The following IGF2R variants were observed in gnomAD, a reference collection of about 807,000 sequenced individuals.
The protein encoded by IGF2R is insulin like growth factor 2 receptor, also known as cation-independent mannose-6-phosphate receptor.
IGF2R carries 91 observed loss-of-function variants against 270.6 expected under a neutral mutation model. The observed-to-expected ratio is 0.34, with a 90% CI of 0.28 to 0.40. IGF2R has a LOEUF of 0.40. IGF2R is among the 10% of genes least tolerant of loss of function. The pLI, the probability that IGF2R is intolerant of heterozygous loss-of-function variation, is 1.00. For synonymous variants in IGF2R, 1,316 were observed against 1,258.9 expected (o/e 1.05, Z -0.96); for missense variants, 2,805 against 3,188.3 (o/e 0.88, Z 2.90).
intron 4 of IGF2R, among the ~76,000 whole-genome samples, chr6:160,019,757 A>G (rs567099456): frequency 1.2e-4 from 18 of 152,346 alleles, no homozygotes; most frequent in Admixed American, 5.2e-4. Context: ...ATGAAATTCA[A>G]CATCCCTTAA....
At chr6:160,090,285 G>A in intron 44 of IGF2R, 182 bp downstream of exon 44, 1 of 423,258 alleles carries the variant, frequency 2.4e-6, no homozygotes, top group Non-Finnish European at 4.1e-6. Flanking sequence ...TCAGAACTAA[G>A]CATTTCACTG....
Position 160,096,452 on chromosome 6 carries a change from T to C in IGF2R, c.6669T>C (p.Asp2223=). 6.2e-7 allele frequency: 1 copy of C among 1,611,062 alleles called. No homozygotes were observed. Among genetic ancestry groups the C allele is most frequent in the Non-Finnish European group, 8.5e-7 (1 of 1,178,298 alleles). ...TKYYLQDGDL[D]VVFASSSKCG... The stretch of plus-strand genomic sequence containing the variant: ...CCCGTTTGACAGACGGCGATCTCGA[T>C]GTCGTGTTTGCCTCTTCCTCTAAGT... Residue 2223 remains aspartate (D), a synonymous_variant, in exon 45 of 48, where the codon GAT becomes GAC. Transcript: ENST00000356956.
chr6:160,104,964 G>A lies in IGF2R; in HGVS notation c.7356G>A (p.Gly2452=). 1.2e-6 allele frequency: 2 copies of A among 1,614,094 alleles called. No homozygotes were observed. Among genetic ancestry groups the A allele is most frequent in the Non-Finnish European group, 1.7e-6 (2 of 1,180,036 alleles). The change falls in exon 48 of 48, where the codon GGG becomes GGA. Residue 2452 remains glycine, a synonymous_variant. Transcript: ENST00000356956. ...AGGAGCGTGAGGACGATAGGGTGGGGCTGGTCAGGGGTGAGAAGGCGAGGA... is the reference window on the plus strand; with the variant it reads ...AGGAGCGTGAGGACGATAGGGTGGGACTGGTCAGGGGTGAGAAGGCGAGGA... ...ALQEREDDRV[G]LVRGEKARKG... is the part of the protein sequence containing the mutation.
At chr6:160,070,447 G>C (rs570728185) in intron 31 of IGF2R, among the ~76,000 whole-genome samples, 1 of 152,238 alleles carries the variant, frequency 6.6e-6, no homozygotes, top group Non-Finnish European at 1.5e-5. Context: ...CACATAACTT[G>C]GTTAATTACT....
intron 2 of IGF2R, among the ~76,000 whole-genome samples, chr6:159,996,182 C>T (rs932606409): frequency 3.3e-5 from 5 of 152,076 alleles, no homozygotes; most frequent in Admixed American, 6.5e-5. Context: ...GGATCCTCAC[C>T]GTCTCCCGCG....
intron 45 of IGF2R, among the ~76,000 whole-genome samples, chr6:160,099,202 G>T (rs1248654423): frequency 6.6e-6 from 1 of 152,164 alleles, no homozygotes; most frequent in Non-Finnish European, 1.5e-5. Flanking sequence ...AGGCTAATTT[G>T]TTGTATTAGA....
chr6:160,009,764 A>G (rs778490230), intron 3 of IGF2R, among the ~76,000 whole-genome samples: 3 of 152,242 alleles, frequency 2.0e-5, no homozygotes, highest in African/African-American at 4.8e-5. Context: ...TACAAATTCT[A>G]TGAATGTTCT....
chr6:160,028,325 A>C (rs1035800445), intron 6 of IGF2R, among the ~76,000 whole-genome samples: 1 of 152,196 alleles, frequency 6.6e-6, no homozygotes, highest in African/African-American at 2.4e-5. Context: ...GCCCACTCAC[A>C]TGATCTCCTT....
intron 19 of IGF2R, among the ~76,000 whole-genome samples, chr6:160,054,389 C>T (rs906632605): frequency 2.0e-5 from 3 of 152,088 alleles, no homozygotes; most frequent in Non-Finnish European, 4.4e-5. Context: ...ACATGAAGGC[C>T]CTCTGTGTGC....
intron 4 of IGF2R, among the ~76,000 whole-genome samples, chr6:160,012,102 T>G (rs1376125748): frequency 6.6e-6 from 1 of 151,648 alleles, no homozygotes; most frequent in Non-Finnish European, 1.5e-5. Flanking sequence ...GAAGTGGAAG[T>G]GGTAAAATAC....
At chr6:160,055,223 G>A (rs1051615969) in intron 19 of IGF2R, among the ~76,000 whole-genome samples, 41 of 152,296 alleles carry the variant, frequency 2.7e-4, no homozygotes, top group African/African-American at 9.9e-4. Flanking sequence ...CTGCTGGTCT[G>A]TTTTTGGGCA....
chr6:160,036,403 C>T (rs1316820114), intron 10 of IGF2R, among the ~76,000 whole-genome samples: 4 of 152,124 alleles, frequency 2.6e-5, no homozygotes, highest in Non-Finnish European at 5.9e-5. Context: ...TGTGCCCAGC[C>T]CCTCTGATGC....
At chr6:160,012,433 G>A (rs1295101627) in intron 4 of IGF2R, among the ~76,000 whole-genome samples, 1 of 152,134 alleles carries the variant, frequency 6.6e-6, no homozygotes, top group Admixed American at 6.5e-5. Context: ...GGCAGCATCT[G>A]CATCTGGAGA....
At chr6:160,051,949 G>C (rs561373447) in intron 19 of IGF2R, among the ~76,000 whole-genome samples, 13 of 150,848 alleles carry the variant, frequency 8.6e-5, no homozygotes, top group African/African-American at 2.9e-4. Context: ...GCGAGCCCCT[G>C]TCTCAAAAAA....
chr6:160,080,678 C>T (rs1168052445), intron 39 of IGF2R, among the ~76,000 whole-genome samples: 2 of 152,080 alleles, frequency 1.3e-5, no homozygotes, highest in Non-Finnish European at 2.9e-5. Flanking sequence ...GACTTTCCGC[C>T]ATGTGGCAGC....
intron 10 of IGF2R, among the ~76,000 whole-genome samples, chr6:160,036,771 G>GA (rs79691670): frequency 6.0e-4 from 89 of 147,954 alleles, no homozygotes; most frequent in African/African-American, 2.0e-3. Flanking sequence ...AAGAAAAATA[G>GA]AAAAAAAAAA....
At chr6:160,037,093 T>G (rs980836129) in intron 10 of IGF2R, among the ~76,000 whole-genome samples, 1 of 152,230 alleles carries the variant, frequency 6.6e-6, no homozygotes, top group East Asian at 1.9e-4. Context: ...ATGGCTCATA[T>G]CACCCCACCC....
intron 45 of IGF2R, among the ~76,000 whole-genome samples, chr6:160,100,712 T>C (rs1363864703): frequency 8.1e-6 from 1 of 123,736 alleles, no homozygotes; most frequent in Non-Finnish European, 1.6e-5. Context: ...AGCAGGCAAG[T>C]CAGCAATTTC....
At chr6:160,089,073 G>A (rs1779159082) in intron 42 of IGF2R, 34 bp from the exon 43 acceptor site, 1 of 1,599,216 alleles carries the variant, frequency 6.3e-7, no homozygotes, top group South Asian at 1.1e-5. Flanking sequence ...TCTGGCTGGG[G>A]AAGTGACTGT....
Sources: allele counts gnomAD v4.1 joint callset (sites outside exome capture counted in the v4.1 genomes callset), GRCh38; gene constraint gnomAD v4.1.1; transcripts MANE v1.5; gene names NCBI Gene and HGNC (gene_info 2026-07-23, HGNC 2026-07-21).